The following ARHGAP44 variants were observed in gnomAD, a reference collection of about 807,000 sequenced individuals.
ARHGAP44 encodes Rho GTPase activating protein 44.
Under a neutral mutation model 106.8 loss-of-function variants are expected in ARHGAP44, and 43 were observed. The ratio of observed to expected loss-of-function variants is 0.40; its 90% CI spans 0.32 to 0.52. The LOEUF (loss-of-function observed/expected upper bound fraction) is 0.52, where lower values mean the gene tolerates loss of function less well. ARHGAP44 is among the 20% of genes least tolerant of loss of function. The pLI, the probability that ARHGAP44 is intolerant of heterozygous loss-of-function variation, is 0.48. For synonymous variants in ARHGAP44, 439 were observed against 410.3 expected (o/e 1.07, Z -0.85); for missense variants, 866 against 1,050.5 (o/e 0.82, Z 2.43).
intron 4 of ARHGAP44, among the ~76,000 whole-genome samples, chr17:12,909,183 A>G (rs532575491): frequency 1.2e-4 from 18 of 152,352 alleles, no homozygotes; most frequent in East Asian, 3.9e-4. Flanking sequence ...AGAGATTAAC[A>G]TGAAACTGAT....
intron 1 of ARHGAP44, among the ~76,000 whole-genome samples, chr17:12,794,962 C>T (rs1336319756): frequency 6.6e-6 from 1 of 152,082 alleles, no homozygotes; most frequent in Non-Finnish European, 1.5e-5. Context: ...TTGTAGTAGG[C>T]CTTCTAAGAG....
chr17:12,886,975 GTT>G (rs869233279), intron 1 of ARHGAP44, among the ~76,000 whole-genome samples: 2 of 108,994 alleles, frequency 1.8e-5, no homozygotes, highest in Admixed American at 1.8e-4. Context: ...TTTTTTTTTT[GTT>G]TTTTTTTTTT....
At chr17:12,948,752 C>CACACACACACACACACACACA (rs1221163562) in intron 10 of ARHGAP44, among the ~76,000 whole-genome samples, 2,560 of 140,836 alleles carry the variant, frequency 0.018, 126 homozygotes, top group African/African-American at 0.027. Context: ...ACACACACAC[C>CACACACACACACACACACACA]CCCTGTAGAC....
intron 8 of ARHGAP44, among the ~76,000 whole-genome samples, chr17:12,941,475 G>T (rs2038707080): frequency 6.6e-6 from 1 of 152,118 alleles, no homozygotes. Context: ...GGCCAGAGAT[G>T]CTTGTAAATA....
intron 1 of ARHGAP44, among the ~76,000 whole-genome samples, chr17:12,893,614 G>A (rs1313233222): frequency 6.6e-6 from 1 of 152,186 alleles, no homozygotes; most frequent in East Asian, 1.9e-4. Flanking sequence ...CTGATGAGGG[G>A]TACGGGCTTG....
At chr17:12,886,586 T>A (rs1228176704) in intron 1 of ARHGAP44, among the ~76,000 whole-genome samples, 1 of 152,194 alleles carries the variant, frequency 6.6e-6, no homozygotes, top group South Asian at 2.1e-4. Flanking sequence ...TGGTATTTTT[T>A]ATTTCAGTAT....
At chr17:12,852,546 G>C (rs1316596264) in intron 1 of ARHGAP44, among the ~76,000 whole-genome samples, 1 of 142,912 alleles carries the variant, frequency 7.0e-6, no homozygotes, top group Non-Finnish European at 1.5e-5. Context: ...TTTGTTTGCT[G>C]TGTTTTTTTT....
intron 1 of ARHGAP44, among the ~76,000 whole-genome samples, chr17:12,824,742 A>G (rs990506686): frequency 6.6e-6 from 1 of 151,954 alleles, no homozygotes; most frequent in African/African-American, 2.4e-5. Context: ...AAGGTTCTAC[A>G]CAGCCTGGCC....
At chr17:12,959,255 A>G (rs1297179108) in intron 16 of ARHGAP44, among the ~76,000 whole-genome samples, 4 of 152,192 alleles carry the variant, frequency 2.6e-5, no homozygotes, top group African/African-American at 7.2e-5. Context: ...TAGTGGCTTT[A>G]CTTTGATTAT....
intron 1 of ARHGAP44, among the ~76,000 whole-genome samples, chr17:12,802,763 T>C (rs1437868209): frequency 2.2e-5 from 3 of 136,400 alleles, no homozygotes; most frequent in Non-Finnish European, 4.7e-5. Context: ...CTTTTTTTTT[T>C]TTTTTTTTTT....
Position 12,879,683 on chromosome 17 carries a change from G to GTATATA in ARHGAP44, c.54-15248_54-15243dup, listed in dbSNP as rs533622463. 8.0e-3 allele frequency among the ~76,000 whole-genome samples: 912 copies of GTATATA among 113,370 alleles called. 10 individuals are homozygous for GTATATA. Among genetic ancestry groups the GTATATA allele is most frequent in the African/African-American group, 0.022 (844 of 37,724 alleles). The allele number at this position is 113,370 out of a possible 152,430, so 74.4% of individuals were successfully genotyped here. On this transcript the variant is annotated intron_variant, in intron 1 of 20. Coordinates refer to ENST00000379672, the MANE Select transcript of ARHGAP44 (RefSeq NM_014859.6). ...TGTATAAATATATGTGTGTGTATGT[G>GTATATA]TATATATATATATACACATACACAC...
At chr17:12,855,266 A>G (rs1944963230) in intron 1 of ARHGAP44, among the ~76,000 whole-genome samples, 1 of 152,144 alleles carries the variant, frequency 6.6e-6, no homozygotes, top group East Asian at 1.9e-4. Flanking sequence ...AAACAAACAA[A>G]CAAATAAACC....
At chr17:12,851,903 T>C (rs1352264250) in intron 1 of ARHGAP44, among the ~76,000 whole-genome samples, 1 of 151,924 alleles carries the variant, frequency 6.6e-6, no homozygotes, top group Non-Finnish European at 1.5e-5. Flanking sequence ...TATAATCGTT[T>C]GGTGGAATGT....
chr17:12,943,444 G>A lies in ARHGAP44; in HGVS notation c.652-144G>A, dbSNP rs768089665. On this transcript the variant is annotated intron_variant, in intron 8 of 20. Coordinates refer to ENST00000379672, the MANE Select transcript of ARHGAP44 (RefSeq NM_014859.6). The stretch of plus-strand genomic sequence containing the variant: ...TGGAGGCTAAAGAGGAAGCATGCTC[G>A]TTATTTTAGGTAGATTGGAGGAGGG... The A allele has an allele frequency of 6.3e-5, 42 of 668,066 alleles. 1 individual carries two copies. Among genetic ancestry groups the A allele is most frequent in the East Asian group, 5.4e-4 (20 of 36,948 alleles). 41.4% of individuals were successfully genotyped at this position (668,066 alleles called of 1,614,324 possible). A position where few individuals can be genotyped will look rare whatever the true frequency, so the allele number is the denominator to read the frequency against.
At chr17:12,876,430 C>G (rs1453877434) in intron 1 of ARHGAP44, among the ~76,000 whole-genome samples, 2 of 152,164 alleles carry the variant, frequency 1.3e-5, no homozygotes, top group Non-Finnish European at 2.9e-5. Context: ...GTGTTCATCT[C>G]TGTGTGTCTT....
At chr17:12,831,119 G>T (rs552126204) in intron 1 of ARHGAP44, among the ~76,000 whole-genome samples, 1 of 152,166 alleles carries the variant, frequency 6.6e-6, no homozygotes, top group East Asian at 1.9e-4. Flanking sequence ...TCCAGAACAT[G>T]GTCCTAAGTT....
intron 1 of ARHGAP44, among the ~76,000 whole-genome samples, chr17:12,857,176 T>C (rs576063609): frequency 7.2e-5 from 11 of 152,342 alleles, no homozygotes; most frequent in African/African-American, 2.2e-4. Context: ...CTTGTTCATG[T>C]GCAAGGATCT....
intron 1 of ARHGAP44, among the ~76,000 whole-genome samples, chr17:12,858,725 T>G (rs1297033290): frequency 6.6e-6 from 1 of 152,150 alleles, no homozygotes; most frequent in Non-Finnish European, 1.5e-5. Flanking sequence ...ATGAGGCCAT[T>G]AGAGTGGGCC....
chr17:12,914,195 A>G (rs535826212), intron 4 of ARHGAP44, among the ~76,000 whole-genome samples: 1 of 152,336 alleles, frequency 6.6e-6, no homozygotes, highest in East Asian at 1.9e-4. Flanking sequence ...TCTTACTAGC[A>G]GTCAAGGAAT....
Sources: gnomAD v4.1 joint callset for allele counts (sites outside exome capture counted in the v4.1 genomes callset) on GRCh38, gnomAD v4.1.1 for gene constraint, MANE v1.5 for transcripts, NCBI Gene and HGNC (gene_info 2026-07-23, HGNC 2026-07-21) for gene names.